ATP7B: variants seen among roughly 807,000 people sequenced by gnomAD.
ATP7B encodes the protein ATPase copper transporting beta.
In ATP7B, 113 loss-of-function variants were observed where a neutral mutation model predicts 118.9. That is an observed-to-expected ratio of 0.95 (90% CI 0.82 to 1.11). The LOEUF (loss-of-function observed/expected upper bound fraction) is 1.11. Among genes scored for constraint, ATP7B ranks in the 50% most tolerant of loss-of-function variants. The pLI is 0.00. For missense variants in ATP7B, 1,867 were observed against 1,871.4 expected (o/e 1.00, Z 0.04); for synonymous variants, 777 against 727.4 (o/e 1.07, Z -1.10).
chr13:51,999,122 T>C (rs899154164), intron 1 of ATP7B, among the ~76,000 whole-genome samples: 20 of 152,184 alleles, frequency 1.3e-4, no homozygotes, highest in African/African-American at 4.3e-4. Context: ...AGCAGATTAT[T>C]CACAGCCTGA....
At chr13:51,944,812 G>GT (rs1328055555) in intron 13 of ATP7B, among the ~76,000 whole-genome samples, 2 of 152,196 alleles carry the variant, frequency 1.3e-5, no homozygotes, top group Non-Finnish European at 2.9e-5. Flanking sequence ...TTTTAAGTTG[G>GT]TCACACTTAG....
rs149818021 is a variant in ATP7B, at chr13:51,978,441, G to A, written c.52-3273C>T. Among the ~76,000 whole-genome samples the A allele has an allele frequency of 1.6e-4, 24 of 152,264 alleles. No individual in the cohort carries two copies. The East Asian group carries it at 2.7e-3, about 17-fold the overall frequency. ...CTAGTGGGAGTGTAACCTCTCTGGA[G>A]GGCAATTTGCAATACCTATTAAAAT... On this transcript the variant is annotated intron_variant, in intron 1 of 20. Transcript: ENST00000242839.
intron 1 of ATP7B, among the ~76,000 whole-genome samples, chr13:51,977,632 T>G (rs1232184786): frequency 1.3e-5 from 2 of 152,188 alleles, no homozygotes; most frequent in Non-Finnish European, 2.9e-5. Context: ...AACAATAGAG[T>G]ATAGTAAATA....
chr13:52,011,300 C>T lies in ATP7B; in HGVS notation c.38G>A (p.Gly13Glu), dbSNP rs371758114. 101 of 1,614,124 alleles carry T rather than the reference C, an allele frequency of 6.3e-5. No individual in the cohort carries two copies. The highest frequency in any genetic ancestry group is 8.5e-5 in the Non-Finnish European group (100 of 1,180,036). ...EQERQITARE[G>E]ASRKILSKLS... is the part of the protein sequence containing the mutation. ...AACAAAACTCACTTTCCGACTGGCC[C>T]CTTCTCTGGCTGTGATCTGTCTCTC... Residue 13 changes from glycine (G) to glutamate (E), a missense_variant, in exon 1 of 21, where the codon GGG becomes GAG. Transcript: ENST00000242839.
chr13:51,990,627 A>G (rs1308279602), intron 1 of ATP7B, among the ~76,000 whole-genome samples: 1 of 152,276 alleles, frequency 6.6e-6, no homozygotes, highest in Admixed American at 6.5e-5. Flanking sequence ...TCCACTTCAA[A>G]TGGTCTCTAC....
chr13:51,992,979 C>CAAAAAAAA (rs58319382), intron 1 of ATP7B, among the ~76,000 whole-genome samples: 8 of 62,940 alleles, frequency 1.3e-4, no homozygotes, highest in East Asian at 5.6e-4. Context: ...GACTCTGTCT[C>CAAAAAAAA]AAAAAAAAAA....
chr13:51,950,542 A>G (rs113089264), intron 9 of ATP7B, 143 bp from the exon 10 acceptor site: 13 of 1,292,786 alleles, frequency 1.0e-5, no homozygotes, highest in African/African-American at 5.8e-5. Flanking sequence ...ACAGATATTT[A>G]TCGTGCAGCT....
chr13:51,987,832 G>A (rs1440354938), intron 1 of ATP7B, among the ~76,000 whole-genome samples: 2 of 152,154 alleles, frequency 1.3e-5, no homozygotes, highest in Non-Finnish European at 2.9e-5. Context: ...TTAATAAATG[G>A]TCTTGGGAAA....
At chr13:52,011,540 G>C (rs1428691192), upstream of ATP7B, 3 of 672,612 alleles carry the variant, frequency 4.5e-6, no homozygotes, top group Admixed American at 4.4e-5. Context: ...CTCTTCACAC[G>C]GATGATTCAA....
rs747916776 is a variant in ATP7B, at chr13:51,950,093, A to G, written c.2644T>C (p.Ser882Pro). ...VIAGSINAHG[S>P]VLIKATHVGN... ...ACGTGGGTAGCTTTAATGAGCACAG[A>G]GCCATGTGCATTTATAGACCCCGCA... Residue 882 changes from serine to proline, a missense_variant, in exon 11 of 21, where the codon TCT (serine) becomes CCT (proline). Coordinates refer to ENST00000242839, the MANE Select transcript of ATP7B (RefSeq NM_000053.4). 1 of 1,614,218 alleles carries G rather than the reference A, an allele frequency of 6.2e-7. No individual in the cohort carries two copies. Among genetic ancestry groups the G allele is most frequent in the Non-Finnish European group, 8.5e-7 (1 of 1,180,032 alleles).
At chr13:51,968,368 T>C (rs1951670921) in intron 4 of ATP7B, 76 bp downstream of exon 4, 4 of 1,602,348 alleles carry the variant, frequency 2.5e-6, no homozygotes, top group South Asian at 1.1e-5. Flanking sequence ...GGAAATTTAC[T>C]AATCACAAAG....
chr13:51,952,188 G>C (rs1455763500), intron 9 of ATP7B, among the ~76,000 whole-genome samples: 6 of 152,246 alleles, frequency 3.9e-5, no homozygotes. Context: ...AGATGCTGCG[G>C]GGGGAGAGGA....
At chr13:52,008,265 G>A (rs544087115) in intron 1 of ATP7B, among the ~76,000 whole-genome samples, 43 of 152,266 alleles carry the variant, frequency 2.8e-4, no homozygotes, top group African/African-American at 9.9e-4. Context: ...ACTTGAGCCC[G>A]GGAGGCACAG....
At chr13:51,993,476 T>A (rs2140403424) in intron 1 of ATP7B, among the ~76,000 whole-genome samples, 1 of 151,982 alleles carries the variant, frequency 6.6e-6, no homozygotes, top group Admixed American at 6.5e-5. Context: ...GGCAGGAAAA[T>A]CATTTGAACC....
chr13:52,011,257 G>T (rs1827962383), intron 1 of ATP7B, 30 bp downstream of exon 1: 3 of 1,614,032 alleles, frequency 1.9e-6, no homozygotes, highest in Non-Finnish European at 2.5e-6. Flanking sequence ...GAGTGAGCAC[G>T]CTGCGCGGAC....
chr13:51,993,147 C>T (rs9526820), intron 1 of ATP7B, among the ~76,000 whole-genome samples: 9,508 of 152,020 alleles, frequency 0.063, 408 homozygotes, highest in Non-Finnish European at 0.1. Context: ...CATACATACA[C>T]GTATACACAT....
chr13:51,963,348 T>G, intron 5 of ATP7B, among the ~76,000 whole-genome samples: 1 of 152,198 alleles, frequency 6.6e-6, no homozygotes, highest in East Asian at 1.9e-4. Flanking sequence ...TTAACCTCTC[T>G]GAGCATCTTT....
At position 51,944,862 on chromosome 13, in the gene ATP7B, G is replaced by T. The variant is rs139628842; in HGVS notation, c.3061-571C>A. On this transcript the variant is annotated intron_variant, in intron 13 of 20. Coordinates refer to ENST00000242839, the MANE Select transcript of ATP7B (RefSeq NM_000053.4). ...CAGAGTCCCCACACCTCTGGGCTCA[G>T]ATATGGGCAGCAGCTACATTCAGGT... 6.0e-3 allele frequency among the ~76,000 whole-genome samples: 916 copies of T among 152,316 alleles called. 8 individuals carry two copies. Among genetic ancestry groups the T allele is most frequent in the Non-Finnish European group, 7.9e-3 (535 of 68,030 alleles).
rs1285143354 is a variant in ATP7B, at chr13:51,939,078, C to CGGAA, written c.3671_3672insTTCC (p.Lys1225SerfsTer35). On this transcript the variant is annotated frameshift_variant, in exon 17 of 21. Transcript: ENST00000242839. LOFTEE classifies it high-confidence loss of function. ...GGGTGGCAATAGCTCTGGCTGTCTTCCGGTTGTCCCCCGTGATCAGAACCA... is the reference window on the plus strand; with the variant it reads ...GGGTGGCAATAGCTCTGGCTGTCTTCGGAACGGTTGTCCCCCGTGATCAGAACCA... The CGGAA allele has an allele frequency of 1.2e-6, 2 of 1,614,238 alleles. No individual in the cohort carries two copies. The highest frequency in any genetic ancestry group is 1.7e-6 in the Non-Finnish European group (2 of 1,180,038).
Sources: allele counts gnomAD v4.1 joint callset (sites outside exome capture counted in the v4.1 genomes callset), GRCh38; gene constraint gnomAD v4.1.1; transcripts MANE v1.5; gene names NCBI Gene and HGNC (gene_info 2026-07-23, HGNC 2026-07-21).